The following STOX2 variants were observed in gnomAD, a reference collection of about 807,000 sequenced individuals.
STOX2 encodes storkhead-box protein 2.
Under a neutral mutation model 60.9 loss-of-function variants are expected in STOX2, and 28 were observed. The ratio of observed to expected loss-of-function variants is 0.46; its 90% CI spans 0.34 to 0.63. STOX2 has a LOEUF of 0.63. Among genes scored for constraint, STOX2 ranks in the 30% least tolerant of loss-of-function variants. STOX2 has a pLI of 0.01. For missense variants in STOX2, 1,024 were observed against 1,187.7 expected, an observed-to-expected ratio of 0.86 and a Z score of 2.03; for synonymous variants, 472 against 463.9, an observed-to-expected ratio of 1.02 and a Z score of -0.22.
chr4:183,841,198 T>C (rs1230144021), intron 1 of STOX2, among the ~76,000 whole-genome samples: 1 of 150,226 alleles, frequency 6.7e-6, no homozygotes, highest in Non-Finnish European at 1.5e-5. Context: ...TATTTATTTA[T>C]TTATTTATTT....
At chr4:183,816,099 A>G (rs1739147737) in intron 1 of STOX2, among the ~76,000 whole-genome samples, 1 of 152,238 alleles carries the variant, frequency 6.6e-6, no homozygotes, top group South Asian at 2.1e-4. Context: ...TTCGTAAGGA[A>G]TAACCAGCGA....
intron 1 of STOX2, among the ~76,000 whole-genome samples, chr4:183,897,764 T>A (rs1741369953): frequency 6.6e-6 from 1 of 152,236 alleles, no homozygotes; most frequent in Non-Finnish European, 1.5e-5. Context: ...TACGGTTTAT[T>A]GAACAGAAGT....
In STOX2 at chr4:184,009,140, T is replaced by C. The variant is rs574041600; in HGVS notation, c.320-18T>C. The C allele has an allele frequency of 2.2e-6, 3 of 1,388,498 alleles. No individual in the cohort carries two copies. The highest frequency in any genetic ancestry group is 2.9e-5 in the Admixed American group (1 of 34,828). The allele number at this position is 1,388,498 out of a possible 1,614,324, so 86.0% of individuals were successfully genotyped here. A position where few individuals can be genotyped will look rare whatever the true frequency, so the allele number is the denominator to read the frequency against. On this transcript the variant is annotated intron_variant, in intron 2 of 3. Transcript: ENST00000308497. This position sits in a 1 kb window ranked among gnomAD's most constrained non-coding sequence, Gnocchi z 4.0. ...CTGTCTTCATTCTCACAAGTGGTTT[T>C]TTTTTTTTTTTTTTCAGGTGTTCCA...
chr4:183,974,662 C>T (rs1208206753), intron 1 of STOX2, among the ~76,000 whole-genome samples: 1 of 151,914 alleles, frequency 6.6e-6, no homozygotes, highest in Non-Finnish European at 1.5e-5. Context: ...GATGACATAA[C>T]AAGCATAAAA....
chr4:183,919,244 A>C (rs1430893358), intron 1 of STOX2, among the ~76,000 whole-genome samples: 2 of 152,212 alleles, frequency 1.3e-5, no homozygotes, highest in Non-Finnish European at 2.9e-5. Context: ...TTGGGATGCC[A>C]GAGGCGTAGT....
In STOX2 at chr4:184,022,700, C is replaced by T. The variant is rs892077520; in HGVS notation, c.*5416C>T. On this transcript the variant is annotated 3_prime_UTR_variant, in exon 4 of 4. Transcript: ENST00000308497. ...CAAATGTGAGACCTGAGATCTCCTCCAATATCTGTCCTCTGCAGTTCCGGG... is the reference window on the plus strand; with the variant it reads ...CAAATGTGAGACCTGAGATCTCCTCTAATATCTGTCCTCTGCAGTTCCGGG... The T allele has an allele frequency of 6.6e-6, 1 of 151,966 alleles. No individual in the cohort carries two copies. The highest frequency in any genetic ancestry group is 1.5e-5 in the Non-Finnish European group (1 of 68,024). 9.4% of individuals were successfully genotyped at this position (151,966 alleles called of 1,614,324 possible).
At chr4:183,869,535 A>T (rs189721491) in intron 1 of STOX2, among the ~76,000 whole-genome samples, 2 of 152,202 alleles carry the variant, frequency 1.3e-5, no homozygotes, top group African/African-American at 4.8e-5. Flanking sequence ...TGAAAATAGA[A>T]AATGTTTTCA....
rs114288905 is a variant in STOX2 at position 183,843,772 on chromosome 4, C to A, written c.364+45717C>A. On this transcript the variant is annotated intron_variant, in intron 1 of 2. Transcript: ENST00000513034. The stretch of plus-strand genomic sequence containing the variant: ...AGTTTTAGTTATTATAAAGGTAATA[C>A]CATGAAAGAACATTTCAAAAGGATG... Among the ~76,000 whole-genome samples the A allele has an allele frequency of 5.4e-3, 819 of 152,214 alleles. 8 individuals carry two copies. The highest frequency in any genetic ancestry group is 0.018 in the African/African-American group (751 of 41,526).
intron 1 of STOX2, among the ~76,000 whole-genome samples, chr4:183,929,445 C>T (rs1009604275): frequency 6.6e-6 from 1 of 152,126 alleles, no homozygotes; most frequent in Non-Finnish European, 1.5e-5. Context: ...TATGACATTA[C>T]GTGTAGTATG....
chr4:183,878,662 T>C (rs1740884821), intron 1 of STOX2, among the ~76,000 whole-genome samples: 1 of 152,226 alleles, frequency 6.6e-6, no homozygotes, highest in South Asian at 2.1e-4. Flanking sequence ...CTCTTCAATT[T>C]AGTATTTAAC....
chr4:184,012,395 T>C (rs971151749), intron 3 of STOX2, among the ~76,000 whole-genome samples: 3 of 152,246 alleles, frequency 2.0e-5, no homozygotes, highest in African/African-American at 7.2e-5. Flanking sequence ...ATAATACTTA[T>C]AATTTTAACA....
chr4:183,866,879 A>AAAACAGAC (rs1740579594), intron 1 of STOX2, among the ~76,000 whole-genome samples: 1 of 152,220 alleles, frequency 6.6e-6, no homozygotes, highest in African/African-American at 2.4e-5. Flanking sequence ...ACCCTGTCTC[A>AAAACAGAC]AAACAGACAA....
chr4:183,903,647 C>G (rs1741512565), upstream of STOX2, among the ~76,000 whole-genome samples: 1 of 152,194 alleles, frequency 6.6e-6, no homozygotes, highest in South Asian at 2.1e-4. Flanking sequence ...TAAGTCATAG[C>G]TATTATAATC....
rs77447446 is a variant in STOX2 at position 183,969,414 on chromosome 4, T to A, written c.167-31911T>A. The stretch of plus-strand genomic sequence containing the variant: ...ATTTGGAAACATTTACTTTTAAAAA[T>A]TAGCCTGATTTGTATTTAAAATTAT... On this transcript the variant is annotated intron_variant, in intron 1 of 3. Transcript: ENST00000308497. Among the ~76,000 whole-genome samples the A allele has an allele frequency of 8.8e-4, 134 of 152,352 alleles. 1 individual carries two copies. Among genetic ancestry groups the A allele is most frequent in the African/African-American group, 3.0e-3 (123 of 41,576 alleles).
chr4:183,842,003 C>T (rs1263124328), intron 1 of STOX2, among the ~76,000 whole-genome samples: 1 of 152,214 alleles, frequency 6.6e-6, no homozygotes, highest in African/African-American at 2.4e-5. Context: ...AATGAATTTC[C>T]TCATATAATC....
chr4:183,964,718 G>A (rs927834951), intron 1 of STOX2, among the ~76,000 whole-genome samples: 1 of 152,166 alleles, frequency 6.6e-6, no homozygotes, highest in South Asian at 2.1e-4. Context: ...AAGTAGCTGG[G>A]ATTACAGGTG....
chr4:183,975,041 TA>T (rs1340116906), intron 1 of STOX2, among the ~76,000 whole-genome samples: 2 of 152,146 alleles, frequency 1.3e-5, no homozygotes, highest in African/African-American at 4.8e-5. Flanking sequence ...AAAAGAAAGA[TA>T]ATTGATAAAT....
intron 1 of STOX2, among the ~76,000 whole-genome samples, chr4:183,989,148 T>C (rs1271991138): frequency 6.6e-6 from 1 of 150,670 alleles, no homozygotes; most frequent in Non-Finnish European, 1.5e-5. Context: ...ATTCAGTAAA[T>C]AGTATTTGAC....
chr4:183,898,148 G>A (rs944903448), intron 1 of STOX2, among the ~76,000 whole-genome samples: 4 of 152,006 alleles, frequency 2.6e-5, no homozygotes, highest in African/African-American at 7.3e-5. Flanking sequence ...AGGTGACACC[G>A]ATTTTCTGCT....
Sources: gnomAD v4.1 joint callset for allele counts (sites outside exome capture counted in the v4.1 genomes callset) on GRCh38, gnomAD v4.1.1 for gene constraint, Gnocchi (gnomAD v3.1) non-coding constraint, MANE v1.5 for transcripts, NCBI Gene and HGNC (gene_info 2026-07-23, HGNC 2026-07-21) for gene names.